INPP5B: variants seen among roughly 807,000 people sequenced by gnomAD.
INPP5B encodes the protein type II inositol 1,4,5-trisphosphate 5-phosphatase.
A neutral mutation model predicts 118.5 loss-of-function variants in INPP5B; 90 were observed. The ratio of observed to expected loss-of-function variants is 0.76; its 90% CI spans 0.64 to 0.90. The LOEUF (loss-of-function observed/expected upper bound fraction) is 0.90. Among genes scored for constraint, INPP5B ranks in the 40% least tolerant of loss-of-function variants. INPP5B has a pLI of 0.00. For missense variants in INPP5B, 984 were observed against 1,125.6 expected, an observed-to-expected ratio of 0.87 and a Z score of 1.80; for synonymous variants, 385 against 418.9, an observed-to-expected ratio of 0.92 and a Z score of 0.99.
intron 6 of INPP5B, among the ~76,000 whole-genome samples, chr1:37,932,419 A>C (rs553398392): frequency 2.4e-5 from 3 of 122,856 alleles, no homozygotes; most frequent in South Asian, 5.2e-4. Flanking sequence ...CCTAAGCTGG[A>C]GTGCAGTGGA....
chr1:37,912,638 G>T (rs1644737766), intron 7 of INPP5B, among the ~76,000 whole-genome samples: 1 of 152,050 alleles, frequency 6.6e-6, no homozygotes, highest in Non-Finnish European at 1.5e-5. Flanking sequence ...CCAAACCATT[G>T]TAGCGGATAT....
In INPP5B at chr1:37,886,510, C is replaced by G. The variant is rs1006069955; in HGVS notation, c.1131+378G>C. Among the ~76,000 whole-genome samples, 5 of 152,302 alleles carry G rather than the reference C, an allele frequency of 3.3e-5. No individual in the cohort carries two copies. In the East Asian group the frequency reaches 5.8e-4, roughly 18 times the overall value. ...CTTTGAAAACACAAAGCTAAGCTCTCACAGAAGAACCTAAAAACAGAACTT... is the reference window on the plus strand; with the variant it reads ...CTTTGAAAACACAAAGCTAAGCTCTGACAGAAGAACCTAAAAACAGAACTT... On this transcript the variant is annotated intron_variant, in intron 12 of 23. Transcript: ENST00000373024.
intron 7 of INPP5B, among the ~76,000 whole-genome samples, chr1:37,901,992 A>ATT (rs34179585): frequency 0.013 from 1,905 of 148,316 alleles, 28 homozygotes; most frequent in African/African-American, 0.035. Flanking sequence ...CCTCTATTAA[A>ATT]TTTTTTTTTT....
chr1:37,872,557 T>C (rs1417301795), intron 19 of INPP5B, among the ~76,000 whole-genome samples: 1 of 151,696 alleles, frequency 6.6e-6, no homozygotes, highest in African/African-American at 2.4e-5. Flanking sequence ...TGAGCTAGCC[T>C]TCTGAATGAT....
At chr1:37,931,466 T>C in intron 7 of INPP5B, 1 of 1,531,720 alleles carries the variant, frequency 6.5e-7, no homozygotes, top group Non-Finnish European at 8.7e-7. Context: ...AGTACCCCAT[T>C]CCCACCCGCC....
chr1:37,938,340 G>T (rs1249885039), intron 6 of INPP5B, among the ~76,000 whole-genome samples: 4 of 151,298 alleles, frequency 2.6e-5, no homozygotes, highest in African/African-American at 9.7e-5. Flanking sequence ...TTTTAAAAAG[G>T]AGTAAATGAG....
chr1:37,887,435 A>G lies in INPP5B; in HGVS notation c.930T>C (p.Ala310=). 1 of 1,613,452 alleles carries G rather than the reference A, an allele frequency of 6.2e-7. No homozygotes were observed. The highest frequency in any genetic ancestry group is 8.5e-7 in the Non-Finnish European group (1 of 1,179,566). ...CCTTTGGGGTATCGTGAAAGAAAAA[A>G]GCTTCCTTACTCAGATCAAGCTCCT... ...GFQELDLSKE[A]FFFHDTPKEE... Residue 310 remains alanine, a synonymous_variant, in exon 11 of 24, where the codon GCT becomes GCC. Coordinates refer to ENST00000373024, the MANE Select transcript of INPP5B (RefSeq NM_005540.3).
chr1:37,923,049 C>A (rs977962353), intron 7 of INPP5B, among the ~76,000 whole-genome samples: 3 of 152,134 alleles, frequency 2.0e-5, no homozygotes, highest in African/African-American at 7.2e-5. Context: ...GAGGGCAACA[C>A]AGAGATGCAG....
At chr1:37,891,249 T>A in intron 8 of INPP5B, 109 bp downstream of exon 8, 3 of 629,718 alleles carry the variant, frequency 4.8e-6, no homozygotes, top group Non-Finnish European at 5.5e-6. Context: ...AAAAGGACAC[T>A]TCCTAGGCCA....
chr1:37,901,762 A>G (rs1192779660), intron 7 of INPP5B, among the ~76,000 whole-genome samples: 1 of 152,136 alleles, frequency 6.6e-6, no homozygotes, highest in African/African-American at 2.4e-5. Context: ...CTGGCACGGA[A>G]GCTGGCTGTC....
intron 7 of INPP5B, among the ~76,000 whole-genome samples, chr1:37,926,027 T>C (rs1357159311): frequency 6.6e-6 from 1 of 152,238 alleles, no homozygotes; most frequent in African/African-American, 2.4e-5. Flanking sequence ...AAAGGATATG[T>C]TGGTCACACA....
chr1:37,893,305 G>A (rs956366005), intron 7 of INPP5B, among the ~76,000 whole-genome samples: 1 of 151,612 alleles, frequency 6.6e-6, no homozygotes, highest in South Asian at 2.1e-4. Flanking sequence ...GGCTGGTCTC[G>A]AACTCTTGAG....
At chr1:37,936,213 C>G (rs1171704805) in intron 6 of INPP5B, among the ~76,000 whole-genome samples, 1 of 152,178 alleles carries the variant, frequency 6.6e-6, no homozygotes. Flanking sequence ...CCTCCTCTTC[C>G]CCCAAGTTCA....
chr1:37,906,718 G>A (rs1442032837), intron 7 of INPP5B, among the ~76,000 whole-genome samples: 1 of 151,984 alleles, frequency 6.6e-6, no homozygotes, highest in Admixed American at 6.6e-5. Flanking sequence ...AAATTAGCCA[G>A]GCATGGTGGT....
chr1:37,946,424 A>T, intron 1 of INPP5B, 90 bp from the exon 2 acceptor site: 78 of 705,168 alleles, frequency 1.1e-4, no homozygotes, highest in Middle Eastern at 3.3e-4. Flanking sequence ...GGCAGGAGGG[A>T]GGGGCCTTTG....
intron 7 of INPP5B, among the ~76,000 whole-genome samples, chr1:37,909,049 T>C (rs911519331): frequency 6.6e-6 from 1 of 152,194 alleles, no homozygotes; most frequent in South Asian, 2.1e-4. Context: ...AACTTGACAA[T>C]GATTCCAAAT....
intron 7 of INPP5B, among the ~76,000 whole-genome samples, chr1:37,916,547 G>A (rs1259264132): frequency 6.6e-6 from 1 of 151,838 alleles, no homozygotes; most frequent in African/African-American, 2.4e-5. Context: ...CTCCCGAGTA[G>A]CTGGGATTAC....
At chr1:37,886,071 G>A (rs1354978092) in intron 12 of INPP5B, among the ~76,000 whole-genome samples, 2 of 151,772 alleles carry the variant, frequency 1.3e-5, no homozygotes, top group African/African-American at 4.8e-5. Flanking sequence ...CCAGCTACTC[G>A]GGAGGCTGAG....
intron 21 of INPP5B, 165 bp from the exon 22 acceptor site, chr1:37,866,053 G>T: frequency 1.4e-6 from 1 of 718,994 alleles, no homozygotes; most frequent in Non-Finnish European, 1.7e-6. Flanking sequence ...TGTCAGGTGA[G>T]CCAGGCCCTC....
Sources: gnomAD v4.1 joint callset for allele counts (sites outside exome capture counted in the v4.1 genomes callset) on GRCh38, gnomAD v4.1.1 for gene constraint, MANE v1.5 for transcripts, NCBI Gene and HGNC (gene_info 2026-07-23, HGNC 2026-07-21) for gene names.